GABBR2: variants seen among roughly 807,000 people sequenced by gnomAD.
GABBR2 encodes gamma-aminobutyric acid type B receptor subunit 2.
GABBR2 carries 23 observed loss-of-function variants against 105.6 expected under a neutral mutation model. The ratio of observed to expected loss-of-function variants is 0.22; its 90% CI spans 0.16 to 0.31. The LOEUF is 0.31. Ranked by LOEUF, GABBR2 falls within the 10% of genes least tolerant of loss-of-function variation. GABBR2 has a pLI of 1.00. For missense variants in GABBR2, 734 were observed against 1,245.5 expected (o/e 0.59, Z 6.18); for synonymous variants, 478 against 499.7 (o/e 0.96, Z 0.58).
chr9:98,648,116 T>TGTGTGTGTGTGTGTATAGAGAG, intron 1 of GABBR2, among the ~76,000 whole-genome samples: 1 of 55,948 alleles, frequency 1.8e-5, no homozygotes, highest in African/African-American at 6.9e-5. Flanking sequence ...TGTGTGTGTG[T>TGTGTGTGTGTGTGTATAGAGAG]ATAGATAGAT....
In GABBR2 at chr9:98,598,127, T is replaced by A. The variant is rs1475314582; in HGVS notation, c.322-20055A>T. On this transcript the variant is annotated intron_variant, in intron 1 of 18. Coordinates refer to ENST00000259455, the MANE Select transcript of GABBR2 (RefSeq NM_005458.8). ...TGTGAGCCACTGCGCCCAGCCTACTTATAAGCAAGTTCTAGGAGCTGTGCC... is the reference window on the plus strand; with the variant it reads ...TGTGAGCCACTGCGCCCAGCCTACTAATAAGCAAGTTCTAGGAGCTGTGCC... Among the ~76,000 whole-genome samples the A allele has an allele frequency of 2.0e-5, 3 of 152,272 alleles. No homozygotes were observed. The East Asian group carries it at 5.8e-4, about 29-fold the overall frequency.
rs1826721000 is a variant in GABBR2 at position 98,473,257 on chromosome 9, T to G, written c.888A>C (p.Glu296Asp). The change falls in exon 6 of 19, where the codon GAA becomes GAC. Residue 296 changes from glutamate to aspartate, a missense_variant. By Grantham distance (45) the Glu-to-Asp change is conservative (BLOSUM62 2). Around this residue, in one of 7 missense-constraint regions of GABBR2, gnomAD observed 370 missense variants for 648.9 expected, o/e 0.57. Transcript: ENST00000259455. Reference sequence around the variant, plus strand: ...TCCGGAGGCAGCGGGATGAGTTGGCTTCCGTGTGCACCTGCTCCCACCAAG... The same window carrying G: ...TCCGGAGGCAGCGGGATGAGTTGGCGTCCGTGTGCACCTGCTCCCACCAAG... ...EPSWWEQVHT[E>D]ANSSRCLRKN... 3 of 1,613,480 alleles carry G rather than the reference T, an allele frequency of 1.9e-6. No individual in the cohort carries two copies. The African/African-American group carries it at 4.0e-5, about 22-fold the overall frequency.
rs149502559 is a variant in GABBR2, at chr9:98,599,600, G to A, written c.322-21528C>T. ...CATGACCTTCAATCCCAGGCTGAGG[G>A]GGCCACCTCTGTCCTACGGAGCATG... On this transcript the variant is annotated intron_variant, in intron 1 of 18. Transcript: ENST00000259455. 6.6e-5 allele frequency among the ~76,000 whole-genome samples: 10 copies of A among 152,348 alleles called. No individual in the cohort carries two copies. The East Asian group carries it at 1.7e-3, about 26-fold the overall frequency.
chr9:98,500,291 A>G (rs1827373053), intron 3 of GABBR2, among the ~76,000 whole-genome samples: 1 of 152,246 alleles, frequency 6.6e-6, no homozygotes, highest in Non-Finnish European at 1.5e-5. Context: ...CCTAATCTGC[A>G]TATTGGGCCA....
chr9:98,330,939 C>T (rs1831014363), intron 13 of GABBR2, among the ~76,000 whole-genome samples: 1 of 152,290 alleles, frequency 6.6e-6, no homozygotes, highest in South Asian at 2.1e-4. Flanking sequence ...AACCACTAAT[C>T]TAGTTTCTGT....
At chr9:98,595,228 G>A (rs761712735) in intron 1 of GABBR2, among the ~76,000 whole-genome samples, 13 of 152,056 alleles carry the variant, frequency 8.5e-5, no homozygotes, top group Non-Finnish European at 1.3e-4. Context: ...CATGGTGGGA[G>A]GGGAGAACAA....
At chr9:98,607,708 G>T in intron 1 of GABBR2, 1 of 762,770 alleles carries the variant, frequency 1.3e-6, no homozygotes, top group East Asian at 2.4e-5. Flanking sequence ...ACACATGCAG[G>T]ACTTGAAAGA....
At chr9:98,629,992 G>C (rs1328982684) in intron 1 of GABBR2, among the ~76,000 whole-genome samples, 2 of 151,470 alleles carry the variant, frequency 1.3e-5, no homozygotes, top group Non-Finnish European at 2.9e-5. Context: ...AAACACTTTT[G>C]TGGGCTTCTA....
At chr9:98,562,387 A>G (rs1828686148) in intron 2 of GABBR2, among the ~76,000 whole-genome samples, 1 of 152,232 alleles carries the variant, frequency 6.6e-6, no homozygotes, top group Non-Finnish European at 1.5e-5. Context: ...TTTTGGGACA[A>G]CTGGAAAAAT....
intron 2 of GABBR2, among the ~76,000 whole-genome samples, chr9:98,558,511 C>A (rs1828620955): frequency 6.6e-6 from 1 of 152,178 alleles, no homozygotes; most frequent in Admixed American, 6.5e-5. Flanking sequence ...CACAGAGGAC[C>A]AGAAAGAAGG....
intron 7 of GABBR2, among the ~76,000 whole-genome samples, chr9:98,439,656 A>C (rs1449731234): frequency 6.6e-6 from 1 of 152,216 alleles, no homozygotes; most frequent in East Asian, 1.9e-4. Flanking sequence ...GTTTGCGTGC[A>C]TATGAATGTC....
chr9:98,618,999 A>G (rs1829631843), intron 1 of GABBR2, among the ~76,000 whole-genome samples: 1 of 152,238 alleles, frequency 6.6e-6, no homozygotes, highest in Non-Finnish European at 1.5e-5. Context: ...AAAACATTCA[A>G]TAAGAACATA....
At chr9:98,501,666 G>C (rs1827402850) in intron 3 of GABBR2, among the ~76,000 whole-genome samples, 1 of 152,180 alleles carries the variant, frequency 6.6e-6, no homozygotes. Context: ...CCTTTAGGGA[G>C]ACCACAGGCA....
intron 1 of GABBR2, among the ~76,000 whole-genome samples, chr9:98,594,061 G>A (rs921803628): frequency 6.6e-6 from 1 of 152,206 alleles, no homozygotes; most frequent in East Asian, 1.9e-4. Flanking sequence ...CATCCCAGAG[G>A]CGATTTCCCC....
chr9:98,515,911 A>G (rs759915283), intron 3 of GABBR2: 4 of 152,318 alleles, frequency 2.6e-5, no homozygotes, highest in Non-Finnish European at 5.9e-5. Context: ...ACTGATACTC[A>G]TGTCTCTCTG....
At chr9:98,445,667 C>A (rs534321274) in intron 7 of GABBR2, among the ~76,000 whole-genome samples, 1 of 152,328 alleles carries the variant, frequency 6.6e-6, no homozygotes, top group South Asian at 2.1e-4. Context: ...GGTGTTGTAC[C>A]AATGCATCGG....
intron 3 of GABBR2, among the ~76,000 whole-genome samples, chr9:98,497,793 TG>T (rs2131672993): frequency 6.6e-6 from 1 of 152,306 alleles, no homozygotes; most frequent in African/African-American, 2.4e-5. Flanking sequence ...AAATGTAAAA[TG>T]CTGCCACTGC....
chr9:98,440,722 T>G (rs777400834), intron 7 of GABBR2, among the ~76,000 whole-genome samples: 53 of 152,242 alleles, frequency 3.5e-4, no homozygotes, highest in South Asian at 6.2e-4. Flanking sequence ...GCAGGTCTGG[T>G]TCTCATCCAC....
chr9:98,315,633 C>A (rs1830702312), intron 13 of GABBR2, among the ~76,000 whole-genome samples: 1 of 152,236 alleles, frequency 6.6e-6, no homozygotes, highest in African/African-American at 2.4e-5. Flanking sequence ...GAGCATGCAA[C>A]CTGCAGGGGC....
Sources: allele counts gnomAD v4.1 joint callset (sites outside exome capture counted in the v4.1 genomes callset), GRCh38; gene constraint gnomAD v4.1.1; regional missense constraint gnomAD v4.1.1; transcripts MANE v1.5; gene names NCBI Gene and HGNC (gene_info 2026-07-23, HGNC 2026-07-21).